KAZN: variants seen among roughly 807,000 people sequenced by gnomAD.
The protein encoded by KAZN is kazrin.
Under a neutral mutation model 87.4 loss-of-function variants are expected in KAZN, and 40 were observed. That is an observed-to-expected ratio of 0.46 (90% CI 0.36 to 0.60). KAZN has a LOEUF of 0.60. Ranked by LOEUF, KAZN falls within the 20% of genes least tolerant of loss-of-function variation. KAZN has a pLI of 0.00. For synonymous variants in KAZN, 466 were observed against 458.3 expected (o/e 1.02, Z -0.22); for missense variants, 898 against 1,073.9 (o/e 0.84, Z 2.29).
At chr1:15,100,682 C>T (rs116317265) in intron 10 of KAZN, among the ~76,000 whole-genome samples, 4 of 152,286 alleles carry the variant, frequency 2.6e-5, no homozygotes, top group Non-Finnish European at 5.9e-5. Flanking sequence ...AAATCTGAGA[C>T]CTGGCAGTGC....
At chr1:14,803,556 C>T (rs533205988) in intron 1 of KAZN, among the ~76,000 whole-genome samples, 8 of 152,362 alleles carry the variant, frequency 5.3e-5, no homozygotes, top group Non-Finnish European at 1.0e-4. Context: ...TGCTCAGCCC[C>T]GCCCTGAGTG....
At chr1:14,089,084 C>G (rs193160242) in intron 1 of KAZN, among the ~76,000 whole-genome samples, 17 of 151,898 alleles carry the variant, frequency 1.1e-4, no homozygotes, top group Admixed American at 1.0e-3. Flanking sequence ...CATATTCCCT[C>G]TGCACCCACA....
At chr1:14,223,954 G>A (rs1018625693) in intron 2 of KAZN, among the ~76,000 whole-genome samples, 16 of 152,124 alleles carry the variant, frequency 1.1e-4, no homozygotes, top group Non-Finnish European at 4.4e-5. Context: ...CAACAAACAC[G>A]AAGGGAGAAC....
intron 1 of KAZN, among the ~76,000 whole-genome samples, chr1:14,747,859 C>T (rs1020831175): frequency 3.3e-5 from 5 of 152,312 alleles, no homozygotes; most frequent in African/African-American, 4.8e-5. Flanking sequence ...ACTACATCCC[C>T]GCCAACACCG....
intron 2 of KAZN, among the ~76,000 whole-genome samples, chr1:14,418,697 A>T (rs1268492581): frequency 6.6e-6 from 1 of 152,176 alleles, no homozygotes; most frequent in East Asian, 1.9e-4. Flanking sequence ...ATACTCCCAA[A>T]GCAACTTTTT....
chr1:14,563,885 T>TTTTTTTTTTTTTTTTTTG (rs1379204941), intron 2 of KAZN, among the ~76,000 whole-genome samples: 2 of 145,254 alleles, frequency 1.4e-5, no homozygotes, highest in East Asian at 2.2e-4. Context: ...TTTTTTTTTT[T>TTTTTTTTTTTTTTTTTTG]TTTGTCTGAG....
intron 1 of KAZN, among the ~76,000 whole-genome samples, chr1:14,022,485 CAAAAAAAAAAAAAA>C (rs58713618): frequency 1.1e-4 from 12 of 110,508 alleles, no homozygotes; most frequent in East Asian, 3.6e-4. Context: ...GTATTTAAAG[CAAAAAAAAAAAAAA>C]AAAAAAAAAA....
At chr1:15,015,834 A>G (rs1670029555) in intron 2 of KAZN, among the ~76,000 whole-genome samples, 1 of 152,140 alleles carries the variant, frequency 6.6e-6, no homozygotes, top group South Asian at 2.1e-4. Flanking sequence ...CTTCCTGAGC[A>G]GCAGCAAAAC....
At chr1:14,665,971 A>G (rs1347544866) in intron 1 of KAZN, among the ~76,000 whole-genome samples, 1 of 150,488 alleles carries the variant, frequency 6.6e-6, no homozygotes, top group African/African-American at 2.4e-5. Flanking sequence ...CAGAAAGGTC[A>G]GGAGATGGAT....
intron 1 of KAZN, among the ~76,000 whole-genome samples, chr1:14,008,620 C>T (rs1378795421): frequency 6.6e-6 from 1 of 152,166 alleles, no homozygotes. Flanking sequence ...GATAATTACA[C>T]ACACATAAAA....
At chr1:14,681,636 TATATATATATATATATATATA>T (rs1399318274) in intron 1 of KAZN, among the ~76,000 whole-genome samples, 18 of 12,080 alleles carry the variant, frequency 1.5e-3, no homozygotes, top group East Asian at 7.9e-3. Context: ...TATATATATA[TATATATATATATATATATATA>T]TTTTTTTTTT....
intron 1 of KAZN, among the ~76,000 whole-genome samples, chr1:14,870,176 G>T (rs1572693708): frequency 6.6e-6 from 1 of 152,202 alleles, no homozygotes; most frequent in Middle Eastern, 3.4e-3. Context: ...GGAGTCTAGG[G>T]CCTGGATACT....
chr1:14,844,256 C>T (rs1262680347), intron 1 of KAZN, among the ~76,000 whole-genome samples: 1 of 152,162 alleles, frequency 6.6e-6, no homozygotes, highest in African/African-American at 2.4e-5. Flanking sequence ...TATTTTCCAC[C>T]TTTTAAGTAA....
intron 4 of KAZN, among the ~76,000 whole-genome samples, chr1:15,046,541 T>TA (rs1344785598): frequency 6.6e-6 from 1 of 152,136 alleles, no homozygotes; most frequent in Non-Finnish European, 1.5e-5. Flanking sequence ...CTGTGCTTTG[T>TA]GGGGCTCTTG....
intron 2 of KAZN, among the ~76,000 whole-genome samples, chr1:14,565,016 GA>G (rs5772589): frequency 6.6e-6 from 1 of 151,630 alleles, no homozygotes; most frequent in Non-Finnish European, 1.5e-5. Flanking sequence ...AAGGAGAAAC[GA>G]AAAAAATTAT....
intron 1 of KAZN, among the ~76,000 whole-genome samples, chr1:14,776,959 ACGTCTTTG>A (rs1427424258): frequency 3.6e-4 from 52 of 146,168 alleles, no homozygotes; most frequent in African/African-American, 1.2e-3. Flanking sequence ...AAAAAAAGAG[ACGTCTTTG>A]AAGTCGGTAT....
intron 2 of KAZN, among the ~76,000 whole-genome samples, chr1:14,231,640 G>A (rs1323858193): frequency 6.6e-6 from 1 of 152,078 alleles, no homozygotes; most frequent in East Asian, 1.9e-4. Context: ...TAAACTTGAG[G>A]AATTCCTCAA....
chr1:14,391,389 C>T (rs1409434732), intron 2 of KAZN: 2 of 152,364 alleles, frequency 1.3e-5, no homozygotes, highest in Non-Finnish European at 2.9e-5. Context: ...TCCCCAGGGT[C>T]ACATACACAA....
chr1:15,054,666 G>A lies in KAZN; in HGVS notation c.727-1425G>A, dbSNP rs12046543. ...GACTCCATCTCAAAAAAAAAAAAAA[G>A]AAGAAGAAGAAGAAAATAATATGCA... On this transcript the variant is annotated intron_variant, in intron 4 of 14. Transcript: ENST00000376030. Among the ~76,000 whole-genome samples, 571 of 148,806 alleles carry A rather than the reference G, an allele frequency of 3.8e-3. 2 individuals carry two copies. Among genetic ancestry groups the A allele is most frequent in the South Asian group, 0.037 (175 of 4,712 alleles).
Sources: gnomAD v4.1 joint callset for allele counts (sites outside exome capture counted in the v4.1 genomes callset) on GRCh38, gnomAD v4.1.1 for gene constraint, MANE v1.5 for transcripts, NCBI Gene and HGNC (gene_info 2026-07-23, HGNC 2026-07-21) for gene names.